The following LHX6 variants were observed in gnomAD, a reference collection of about 807,000 sequenced individuals.
The protein encoded by LHX6 is LIM/homeobox protein Lhx6.
Under a neutral mutation model 47.1 loss-of-function variants are expected in LHX6, and 15 were observed. The ratio of observed to expected loss-of-function variants is 0.32; its 90% CI spans 0.21 to 0.49. LHX6 has a LOEUF of 0.49. Ranked by LOEUF, LHX6 falls within the 20% of genes least tolerant of loss-of-function variation. LHX6 has a pLI of 0.99. For synonymous variants in LHX6, 242 were observed against 233.5 expected, an observed-to-expected ratio of 1.04 and a Z score of -0.33; for missense variants, 404 against 539.6, an observed-to-expected ratio of 0.75 and a Z score of 2.49.
chr9:122,211,471 G>A (rs1022844379), intron 8 of LHX6, among the ~76,000 whole-genome samples: 1 of 152,188 alleles, frequency 6.6e-6, no homozygotes, highest in Non-Finnish European at 1.5e-5. Flanking sequence ...TAACCGCAGA[G>A]CAAACTCTAC....
Position 122,227,424 on chromosome 9 carries a change from G to T in LHX6, c.141C>A (p.Thr47=), listed in dbSNP as rs1263246594. The change falls in exon 2 of 10, where the codon ACC becomes ACA. Residue 47 remains threonine (T), a synonymous_variant. Coordinates refer to ENST00000394319, the MANE Select transcript of LHX6 (RefSeq NM_014368.5). The part of the protein sequence containing the change: ...CKATTRCLEG[T]APPAMAQSDA... ...ACGGACTCACCATGGCGGGCGGCGC[G>T]GTCCCTTCAAGACAGCGGGTGGTCG... 1 of 1,531,570 alleles carries T rather than the reference G, an allele frequency of 6.5e-7. No homozygotes were observed. Among genetic ancestry groups the T allele is most frequent in the Non-Finnish European group, 8.8e-7 (1 of 1,141,432 alleles). The allele number at this position is 1,531,570 out of a possible 1,614,324, so 94.9% of individuals were successfully genotyped here. A position where few individuals can be genotyped will look rare whatever the true frequency, so the allele number is the denominator to read the frequency against.
chr9:122,213,952 G>GGCC lies in LHX6; in HGVS notation c.879+21_879+22insGGC. 3.4e-6 allele frequency: 5 copies of GGCC among 1,461,940 alleles called. No individual in the cohort carries two copies. Among genetic ancestry groups the GGCC allele is most frequent in the Non-Finnish European group, 4.7e-6 (5 of 1,055,338 alleles). 90.6% of individuals were successfully genotyped at this position (1,461,940 alleles called of 1,614,324 possible). ...TCCGGGGCGTGCCCGCGGTCCCCAG[G>GGCC]CCCCGCCCACCCCCGTCCCACCTGG... On this transcript the variant is annotated intron_variant, in intron 7 of 9. Transcript: ENST00000394319. This position sits in a 1 kb window ranked among gnomAD's most constrained non-coding sequence, Gnocchi z 5.5.
Position 122,228,856 on chromosome 9 carries a change from G to T in LHX6, c.-116C>A. 1.6e-6 allele frequency: 1 copy of T among 633,050 alleles called. No individual in the cohort carries two copies. 39.2% of individuals were successfully genotyped at this position (633,050 alleles called of 1,614,324 possible). A position where few individuals can be genotyped will look rare whatever the true frequency, so the allele number is the denominator to read the frequency against. On this transcript the variant is annotated 5_prime_UTR_variant, in exon 1 of 10. Transcript: ENST00000394319. ...GGAGCAGGAGGAGAGCCGAGGCGCC[G>T]GCCCCGCCGCCCCGGGCCCGGCCTC...
chr9:122,211,332 GTCCA>G (rs1433316974), intron 8 of LHX6, among the ~76,000 whole-genome samples: 1 of 152,180 alleles, frequency 6.6e-6, no homozygotes, highest in African/African-American at 2.4e-5. Flanking sequence ...TGTTCAAGGA[GTCCA>G]TATACAACTT....
At chr9:122,227,149 G>T in intron 2 of LHX6, 119 bp from the exon 3 acceptor site, 1 of 1,003,402 alleles carries the variant, frequency 1.0e-6, no homozygotes, top group Non-Finnish European at 1.4e-6. Flanking sequence ...CCAGGACAAT[G>T]CGCCGTAGAC....
At chr9:122,228,277 C>G in intron 1 of LHX6, 10 of 1,535,092 alleles carry the variant, frequency 6.5e-6, no homozygotes, top group Non-Finnish European at 8.7e-6. Flanking sequence ...GAGGAAAAAG[C>G]ACCCTCCAGC....
chr9:122,204,048 G>C lies in LHX6; in HGVS notation c.*712C>G, dbSNP rs975128378. 4.6e-5 allele frequency: 7 copies of C among 152,206 alleles called. No individual in the cohort carries two copies. The highest frequency in any genetic ancestry group is 1.7e-4 in the African/African-American group (7 of 41,408). The allele number at this position is 152,206 out of a possible 1,614,324, so 9.4% of individuals were successfully genotyped here. ...CTTAAAATGGCTAGTGCCTCTTCTGGTCCAATATGTCACCGCCCTCTCCTT... is the reference window on the plus strand; with the variant it reads ...CTTAAAATGGCTAGTGCCTCTTCTGCTCCAATATGTCACCGCCCTCTCCTT... On this transcript the variant is annotated 3_prime_UTR_variant, in exon 10 of 10. Transcript: ENST00000394319.
At chr9:122,224,001 G>A (rs1830984029) in intron 4 of LHX6, among the ~76,000 whole-genome samples, 1 of 152,010 alleles carries the variant, frequency 6.6e-6, no homozygotes, top group Non-Finnish European at 1.5e-5. Flanking sequence ...GAGCCCCCAA[G>A]CATCATCTGG....
chr9:122,227,232 G>T, intron 2 of LHX6, 177 bp downstream of exon 2: 1 of 797,346 alleles, frequency 1.3e-6, no homozygotes, highest in Non-Finnish European at 1.9e-6. Context: ...CATTCTGGGT[G>T]CTGGGAGCGG....
intron 4 of LHX6, among the ~76,000 whole-genome samples, chr9:122,225,510 G>A (rs535124684): frequency 6.6e-6 from 1 of 152,396 alleles, no homozygotes; most frequent in Admixed American, 6.5e-5. Flanking sequence ...AGGAGGATGC[G>A]CCTGGCTGCT....
At chr9:122,216,590 C>T (rs897374162) in intron 5 of LHX6, among the ~76,000 whole-genome samples, 1 of 152,196 alleles carries the variant, frequency 6.6e-6, no homozygotes, top group Non-Finnish European at 1.5e-5. Flanking sequence ...TTCCTCAAAC[C>T]TCTGGCTTGG....
chr9:122,206,118 G>A (rs1006327307), intron 9 of LHX6, among the ~76,000 whole-genome samples: 2 of 152,216 alleles, frequency 1.3e-5, no homozygotes, highest in Non-Finnish European at 2.9e-5. Context: ...CTTTCCAAGT[G>A]TTGGATTTGT....
chr9:122,204,904 T>C, intron 9 of LHX6, 124 bp from the exon 10 acceptor site: 1 of 575,656 alleles, frequency 1.7e-6, no homozygotes, highest in South Asian at 3.5e-5. Flanking sequence ...GTTTAAATCC[T>C]GGCTCTGTCA....
At chr9:122,212,682 C>T (rs1368839778) in intron 8 of LHX6, among the ~76,000 whole-genome samples, 2 of 152,182 alleles carry the variant, frequency 1.3e-5, no homozygotes, top group East Asian at 3.9e-4. Context: ...TTCCCGCTCA[C>T]AAGTCACTTC....
chr9:122,213,904 C>T lies in LHX6; in HGVS notation c.879+70G>A, dbSNP rs564602476. The T allele has an allele frequency of 2.1e-3, 3,236 of 1,533,662 alleles. 17 individuals carry two copies. Among genetic ancestry groups the T allele is most frequent in the Non-Finnish European group, 1.9e-3 (2,125 of 1,131,042 alleles). On this transcript the variant is annotated intron_variant, in intron 7 of 9. Transcript: ENST00000394319. The surrounding 1 kb of genome is among the most constrained non-coding windows in gnomAD (Gnocchi z 5.5). ...GATGGCCACGTGCACGCACCACCCTCCGCGCCGAGCCCAGCTACGAGCTCC... is the reference window on the plus strand; with the variant it reads ...GATGGCCACGTGCACGCACCACCCTTCGCGCCGAGCCCAGCTACGAGCTCC...
chr9:122,225,601 C>G (rs533897795), intron 4 of LHX6, among the ~76,000 whole-genome samples: 1 of 152,258 alleles, frequency 6.6e-6, no homozygotes, highest in South Asian at 2.1e-4. Flanking sequence ...CCCAGTTCTC[C>G]CACTTCCCAT....
At chr9:122,227,355 C>T (rs1831149266) in intron 2 of LHX6, 54 bp downstream of exon 2, 4 of 1,442,718 alleles carry the variant, frequency 2.8e-6, no homozygotes, top group Middle Eastern at 2.3e-4. Context: ...GCCAGGTCCC[C>T]AGGGCCGGGC....
chr9:122,209,495 G>A (rs756523124), intron 9 of LHX6, 119 bp downstream of exon 9: 83 of 1,455,242 alleles, frequency 5.7e-5, no homozygotes, highest in Middle Eastern at 3.5e-4. Context: ...TCAGCAGGCC[G>A]GGCAGACAGG....
rs1820803723 is a variant in LHX6 at position 122,217,342 on chromosome 9, C to T, written c.462-54G>A. ...GTCGAGACTCAGACAGGCCAACCTTCCTCCTTCCACCACCCAATGGCCCGC... is the reference window on the plus strand; with the variant it reads ...GTCGAGACTCAGACAGGCCAACCTTTCTCCTTCCACCACCCAATGGCCCGC... On this transcript the variant is annotated intron_variant, in intron 4 of 9. Coordinates refer to ENST00000394319, the MANE Select transcript of LHX6 (RefSeq NM_014368.5). The surrounding 1 kb of genome is among the most constrained non-coding windows in gnomAD (Gnocchi z 4.9). 17 of 1,442,904 alleles carry T rather than the reference C, an allele frequency of 1.2e-5. No homozygotes were observed. The highest frequency in any genetic ancestry group is 1.5e-5 in the Non-Finnish European group (16 of 1,061,958). 89.4% of individuals were successfully genotyped at this position (1,442,904 alleles called of 1,614,324 possible).
Sources: allele counts gnomAD v4.1 joint callset (sites outside exome capture counted in the v4.1 genomes callset), GRCh38; gene constraint gnomAD v4.1.1; non-coding constraint Gnocchi (gnomAD v3.1); transcripts MANE v1.5; gene names NCBI Gene and HGNC (gene_info 2026-07-23, HGNC 2026-07-21).